The following ADAMTS18 variants were observed in gnomAD, a reference collection of about 807,000 sequenced individuals.
ADAMTS18 encodes the protein A disintegrin and metalloproteinase with thrombospondin motifs 18.
Under a neutral mutation model 165.9 loss-of-function variants are expected in ADAMTS18, and 157 were observed. The ratio of observed to expected loss-of-function variants is 0.95; its 90% CI spans 0.83 to 1.08. The LOEUF (loss-of-function observed/expected upper bound fraction) is 1.08, where lower values mean the gene tolerates loss of function less well. Among genes scored for constraint, ADAMTS18 ranks in the 50% least tolerant of loss-of-function variants. The probability of loss-of-function intolerance (pLI) is 0.00; values close to 1 mark genes in which losing one functional copy is unlikely to be tolerated. For synonymous variants in ADAMTS18, 782 were observed against 578.2 expected (o/e 1.35, Z -5.06); for missense variants, 2,040 against 1,534.0 (o/e 1.33, Z -5.51).
rs958579584 is a variant in ADAMTS18, at chr16:77,322,265, T to G, written c.2163+71A>C. ...CCAGACACACAATCTCTCACACCAC[T>G]GTTCACGGTACACACGATATGATAA... On this transcript the variant is annotated intron_variant, in intron 14 of 22. Transcript: ENST00000282849. 32 of 1,580,722 alleles carry G rather than the reference T, an allele frequency of 2.0e-5. 1 individual carries two copies. The highest frequency in any genetic ancestry group is 1.7e-4 in the Middle Eastern group (1 of 5,962).
chr16:77,400,438 GTGTGTGTGTGTGTGTGTC>G (rs1266041733), intron 3 of ADAMTS18, among the ~76,000 whole-genome samples: 95 of 99,636 alleles, frequency 9.5e-4, no homozygotes, highest in African/African-American at 1.8e-3. Context: ...GTGTGTGTGT[GTGTGTGTGTGTGTGTGTC>G]TGTGTGTGTG....
chr16:77,334,783 ACAG>A (rs2056273989), intron 12 of ADAMTS18, among the ~76,000 whole-genome samples: 2 of 103,250 alleles, frequency 1.9e-5, no homozygotes, highest in South Asian at 3.0e-4. Context: ...ACTATAGTAT[ACAG>A]TAAATATACT....
chr16:77,402,562 C>T (rs181152116), intron 3 of ADAMTS18, among the ~76,000 whole-genome samples: 3 of 152,226 alleles, frequency 2.0e-5, no homozygotes, highest in South Asian at 2.1e-4. Flanking sequence ...TTCAACTCTG[C>T]GAGCAAATTT....
intron 3 of ADAMTS18, among the ~76,000 whole-genome samples, chr16:77,379,941 C>T (rs2057008208): frequency 6.6e-6 from 1 of 152,192 alleles, no homozygotes; most frequent in East Asian, 1.9e-4. Flanking sequence ...TCCAAGTAAT[C>T]CTGATCTCCA....
At chr16:77,408,540 T>A (rs1287177669) in intron 3 of ADAMTS18, among the ~76,000 whole-genome samples, 2 of 152,128 alleles carry the variant, frequency 1.3e-5, no homozygotes, top group African/African-American at 4.8e-5. Flanking sequence ...CAGCTACATA[T>A]AACAATATGG....
chr16:77,322,844 T>C (rs898446721), intron 13 of ADAMTS18, among the ~76,000 whole-genome samples: 2 of 152,274 alleles, frequency 1.3e-5, no homozygotes, highest in African/African-American at 2.4e-5. Context: ...TAAAATCTGA[T>C]GAAACAAATA....
chr16:77,360,576 C>G (rs1275192559), intron 7 of ADAMTS18, among the ~76,000 whole-genome samples: 1 of 101,766 alleles, frequency 9.8e-6, no homozygotes, highest in Non-Finnish European at 2.3e-5. Flanking sequence ...CAGAATCTCT[C>G]TTGAAAACAA....
intron 4 of ADAMTS18, among the ~76,000 whole-genome samples, chr16:77,364,703 G>T (rs1411184403): frequency 6.8e-6 from 1 of 146,776 alleles, no homozygotes; most frequent in Non-Finnish European, 1.5e-5. Context: ...GATGAACTTA[G>T]TAACTCAAAA....
chr16:77,389,728 T>A (rs2057159953), intron 3 of ADAMTS18, among the ~76,000 whole-genome samples: 2 of 152,106 alleles, frequency 1.3e-5, no homozygotes, highest in African/African-American at 4.8e-5. Context: ...GTTAGCCAAG[T>A]GAACAAAGAG....
At position 77,335,747 on chromosome 16, in the gene ADAMTS18, G is replaced by A. The variant is rs1265864511; in HGVS notation, c.1859+9C>T. Reference sequence around the variant, plus strand: ...CCTTGCAAAGACTAACTTTCTGCTGGAGGCTTACTTGGGGTTATTGCAGTG... The same window carrying A: ...CCTTGCAAAGACTAACTTTCTGCTGAAGGCTTACTTGGGGTTATTGCAGTG... On this transcript the variant is annotated intron_variant, in intron 12 of 22. Coordinates refer to ENST00000282849, the MANE Select transcript of ADAMTS18 (RefSeq NM_199355.4). 1 of 1,614,050 alleles carries A rather than the reference G, an allele frequency of 6.2e-7. No individual in the cohort carries two copies. The highest frequency in any genetic ancestry group is 8.5e-7 in the Non-Finnish European group (1 of 1,180,028).
chr16:77,303,199 C>T (rs776812403), intron 16 of ADAMTS18, among the ~76,000 whole-genome samples: 10 of 152,172 alleles, frequency 6.6e-5, no homozygotes, highest in Non-Finnish European at 1.5e-4. Flanking sequence ...CCACGTATGG[C>T]TACTGAGTGC....
rs896898168 is a variant in ADAMTS18 at position 77,383,705 on chromosome 16, G to A, written c.496-15982C>T. ...TTACAGGCACCCACCACCACGCCTG[G>A]CTAATTTTTGTGACTTTAGTAGAGA... On this transcript the variant is annotated intron_variant, in intron 3 of 22. Transcript: ENST00000282849. Among the ~76,000 whole-genome samples, 6 of 151,968 alleles carry A rather than the reference G, an allele frequency of 3.9e-5. No homozygotes were observed. The South Asian group carries it at 1.0e-3, about 26-fold the overall frequency.
chr16:77,413,813 A>G (rs1286099539), intron 3 of ADAMTS18, among the ~76,000 whole-genome samples: 1 of 151,844 alleles, frequency 6.6e-6, no homozygotes, highest in East Asian at 1.9e-4. Flanking sequence ...ATCTGAAAAA[A>G]AAAAAAAGCA....
intron 16 of ADAMTS18, among the ~76,000 whole-genome samples, chr16:77,301,175 C>T (rs1011635419): frequency 6.6e-6 from 1 of 152,036 alleles, no homozygotes; most frequent in Non-Finnish European, 1.5e-5. Context: ...AGAGCAATCA[C>T]ATATTGGGCA....
chr16:77,364,080 A>T, intron 5 of ADAMTS18, 108 bp downstream of exon 5: 1 of 1,434,536 alleles, frequency 7.0e-7, no homozygotes, highest in Non-Finnish European at 9.8e-7. Context: ...CAGAAACTGC[A>T]ATTACATTTG....
chr16:77,334,024 A>G (rs1476525009), intron 12 of ADAMTS18, among the ~76,000 whole-genome samples: 1 of 140,678 alleles, frequency 7.1e-6, no homozygotes, highest in Non-Finnish European at 1.5e-5. Context: ...TATATAATAT[A>G]CAGTGCAATA....
chr16:77,319,855 G>C lies in ADAMTS18; in HGVS notation c.2526C>G (p.Val842=), dbSNP rs762524558. The change falls in exon 16 of 23, where the codon GTC becomes GTG. Residue 842 remains valine, a synonymous_variant. Coordinates refer to ENST00000282849, the MANE Select transcript of ADAMTS18 (RefSeq NM_199355.4). ...ATACACAGAAGGGGCTTACTTCAAA[G>C]ACCAGCGTCTCATTTGTGGGCCCTG... is the stretch of plus-strand genomic sequence containing the variant. ...YAPGPTNETL[V]FEILMQGKNP... 3.7e-6 allele frequency: 6 copies of C among 1,614,028 alleles called. No individual in the cohort carries two copies. In the South Asian group the frequency reaches 5.5e-5, roughly 15 times the overall value.
chr16:77,418,545 A>G (rs1053447362), intron 3 of ADAMTS18, among the ~76,000 whole-genome samples: 1 of 152,152 alleles, frequency 6.6e-6, no homozygotes, highest in Non-Finnish European at 1.5e-5. Flanking sequence ...TAACAAACCA[A>G]TATGTCTCCA....
At chr16:77,288,670 A>ATATATGGATTATAGTTGT (rs1229646831) in intron 22 of ADAMTS18, among the ~76,000 whole-genome samples, 1 of 152,176 alleles carries the variant, frequency 6.6e-6, no homozygotes, top group Non-Finnish European at 1.5e-5. Flanking sequence ...GAACATCTTT[A>ATATATGGATTATAGTTGT]TATATGGATT....
Sources: gnomAD v4.1 joint callset for allele counts (sites outside exome capture counted in the v4.1 genomes callset) on GRCh38, gnomAD v4.1.1 for gene constraint, MANE v1.5 for transcripts, NCBI Gene and HGNC (gene_info 2026-07-23, HGNC 2026-07-21) for gene names.